PITRM1: variants seen among roughly 807,000 people sequenced by gnomAD.
PITRM1 encodes presequence protease, mitochondrial.
PITRM1 carries 100 observed loss-of-function variants against 129.9 expected under a neutral mutation model. That is an observed-to-expected ratio of 0.77 (90% confidence interval 0.65 to 0.91). The LOEUF (loss-of-function observed/expected upper bound fraction) is 0.91. Ranked by LOEUF, PITRM1 falls within the 40% of genes least tolerant of loss-of-function variation. The pLI is 0.00. For missense variants in PITRM1, 1,471 were observed against 1,318.3 expected, an observed-to-expected ratio of 1.12 and a Z score of -1.79; for synonymous variants, 591 against 508.8, an observed-to-expected ratio of 1.16 and a Z score of -2.17.
Position 3,155,646 on chromosome 10 carries a change from G to C in PITRM1, c.1566C>G (p.Leu522=), listed in dbSNP as rs780881766. ...EKQAQVEATK[L]KQKVEALSPG... ...GGGACAGAGCCTCGACCTTCTGCTT[G>C]AGCTTCGTGGCTTCCACCTGTGCCT... is the stretch of plus-strand genomic sequence containing the variant. Residue 522 remains leucine, a synonymous_variant, in exon 14 of 27, where the codon CTC becomes CTG. Coordinates refer to ENST00000224949, the MANE Select transcript of PITRM1 (RefSeq NM_014889.4). 3 of 1,613,914 alleles carry C rather than the reference G, an allele frequency of 1.9e-6. No individual in the cohort carries two copies. Among genetic ancestry groups the C allele is most frequent in the Non-Finnish European group, 2.5e-6 (3 of 1,179,870 alleles).
intron 19 of PITRM1, 32 bp downstream of exon 19, chr10:3,147,540 G>T (rs377486888): frequency 4.4e-6 from 7 of 1,604,764 alleles, no homozygotes; most frequent in Non-Finnish European, 6.0e-6. Context: ...TGGCTAAACC[G>T]GAGTAATAGA....
chr10:3,147,436 A>T, intron 19 of PITRM1, 136 bp downstream of exon 19: 1 of 1,135,876 alleles, frequency 8.8e-7, no homozygotes, highest in Non-Finnish European at 1.3e-6. Context: ...AAACCAACCA[A>T]CCAATTCTTC....
At chr10:3,155,854 T>C in intron 13 of PITRM1, 125 bp from the exon 14 acceptor site, 2 of 1,095,766 alleles carry the variant, frequency 1.8e-6, no homozygotes, top group Non-Finnish European at 2.6e-6. Context: ...TTAAAAATAG[T>C]AATAATAGAA....
intron 1 of PITRM1, 62 bp from the exon 2 acceptor site, chr10:3,170,268 A>G: frequency 8.3e-7 from 1 of 1,208,742 alleles, no homozygotes; most frequent in South Asian, 1.3e-5. Flanking sequence ...AACATTATTC[A>G]GCCACATAGT....
At position 3,155,648 on chromosome 10, in the gene PITRM1, G is replaced by C. The variant is rs1268936702; in HGVS notation, c.1564C>G (p.Leu522Val). The C allele has an allele frequency of 1.9e-6, 3 of 1,613,894 alleles. 1 individual carries two copies. In the South Asian group the frequency reaches 3.3e-5, roughly 18 times the overall value. ...GACAGAGCCTCGACCTTCTGCTTGA[G>C]CTTCGTGGCTTCCACCTGTGCCTGC... ...EKQAQVEATK[L>V]KQKVEALSPG... Residue 522 changes from leucine (L) to valine (V), a missense_variant, in exon 14 of 27, where the codon CTC becomes GTC. By Grantham distance (32) the Leu-to-Val change is conservative. Transcript: ENST00000224949.
At chr10:3,160,048 T>G in intron 8 of PITRM1, 112 bp from the exon 9 acceptor site, 1 of 1,243,792 alleles carries the variant, frequency 8.0e-7, no homozygotes, top group Non-Finnish European at 1.1e-6. Context: ...TAAGTTAACT[T>G]TCCTTTCAAA....
At chr10:3,145,221 A>C (rs1034063451) in intron 21 of PITRM1, 8 of 207,524 alleles carry the variant, frequency 3.9e-5, no homozygotes, top group African/African-American at 1.4e-4. Flanking sequence ...TATCACCGAC[A>C]TCACTGTTCC....
At chr10:3,164,338 A>G (rs1842694416) in intron 6 of PITRM1, 1 of 153,120 alleles carries the variant, frequency 6.5e-6, no homozygotes, top group Non-Finnish European at 1.5e-5. Context: ...AGAGCAGGCC[A>G]CCCATGAGCC....
intron 23 of PITRM1, among the ~76,000 whole-genome samples, chr10:3,141,239 A>C (rs529149905): frequency 4.6e-5 from 7 of 152,238 alleles, no homozygotes; most frequent in Non-Finnish European, 1.0e-4. Flanking sequence ...CAATTAACCA[A>C]AACTAAAAAG....
Position 3,172,670 on chromosome 10 carries a change from C to G in PITRM1, c.56+47G>C, listed in dbSNP as rs751975042. On this transcript the variant is annotated intron_variant, in intron 1 of 26. Coordinates refer to ENST00000224949, the MANE Select transcript of PITRM1 (RefSeq NM_014889.4). The stretch of plus-strand genomic sequence containing the variant: ...GCCTCCGGCCTGCCCTGGACCCTCC[C>G]CTCCCGGGTACCAGCGCGCCGAGCG... 3.3e-6 allele frequency: 5 copies of G among 1,513,014 alleles called. No individual in the cohort carries two copies. In the South Asian group the frequency reaches 6.2e-5, roughly 19 times the overall value. The allele number at this position is 1,513,014 out of a possible 1,614,324, so 93.7% of individuals were successfully genotyped here. A position where few individuals can be genotyped will look rare whatever the true frequency, so the allele number is the denominator to read the frequency against.
chr10:3,138,622 G>T lies in PITRM1; in HGVS notation c.2917+282C>A, dbSNP rs1013761409. The T allele has an allele frequency of 1.2e-5, 7 of 607,950 alleles. No individual in the cohort carries two copies. The African/African-American group carries it at 1.3e-4, about 11-fold the overall frequency. The allele number at this position is 607,950 out of a possible 1,614,324, so 37.7% of individuals were successfully genotyped here. A position where few individuals can be genotyped will look rare whatever the true frequency, so the allele number is the denominator to read the frequency against. On this transcript the variant is annotated intron_variant, in intron 25 of 26. Coordinates refer to ENST00000224949, the MANE Select transcript of PITRM1 (RefSeq NM_014889.4). ...CGGCTCCAGAGAGTAACGTGGCCAT[G>T]CCCGGGCCGTGCCCACGTCCTCCTT...
intron 7 of PITRM1, among the ~76,000 whole-genome samples, chr10:3,161,537 G>T (rs1842439469): frequency 6.6e-6 from 1 of 152,134 alleles, no homozygotes; most frequent in African/African-American, 2.4e-5. Context: ...AGAGAATCCA[G>T]GAGCAATCAC....
intron 7 of PITRM1, among the ~76,000 whole-genome samples, chr10:3,160,904 G>T (rs1364927229): frequency 1.3e-5 from 2 of 152,146 alleles, no homozygotes; most frequent in Non-Finnish European, 2.9e-5. Context: ...GGGATTACAG[G>T]TGCCCACCAC....
Position 3,147,016 on chromosome 10 carries a change from C to T in PITRM1, c.2336+134G>A, listed in dbSNP as rs538022897. On this transcript the variant is annotated intron_variant, in intron 20 of 26. Transcript: ENST00000224949. ...AAAATATTTTCTTAGTTTGTTAGAA[C>T]ACTTGACATTTACAATAAATTCTAT... The T allele has an allele frequency of 5.7e-6, 3 of 522,362 alleles. No individual in the cohort carries two copies. The Admixed American group carries it at 1.1e-4, about 18-fold the overall frequency. 32.4% of individuals were successfully genotyped at this position (522,362 alleles called of 1,614,324 possible). A position where few individuals can be genotyped will look rare whatever the true frequency, so the allele number is the denominator to read the frequency against.
At position 3,166,247 on chromosome 10, in the gene PITRM1, A is replaced by C; in HGVS notation, c.400T>G (p.Phe134Val). The change falls in exon 4 of 27, where the codon TTC becomes GTC. Residue 134 changes from phenylalanine (F) to valine (V), a missense_variant. Coordinates refer to ENST00000224949, the MANE Select transcript of PITRM1 (RefSeq NM_014889.4). ...FKMLNRSLST[F>V]MNAFTASDYT... ...GTCTTACCTGTGAAGGCGTTCATGA[A>C]CGTGGAGAGGGACCGGTTCAACATT... 6.2e-7 allele frequency: 1 copy of C among 1,612,120 alleles called. No homozygotes were observed. Among genetic ancestry groups the C allele is most frequent in the Non-Finnish European group, 8.5e-7 (1 of 1,179,218 alleles).
At chr10:3,138,205 C>T in intron 26 of PITRM1, 30 bp downstream of exon 26, 1 of 1,595,150 alleles carries the variant, frequency 6.3e-7, no homozygotes, top group Non-Finnish European at 8.6e-7. Flanking sequence ...CTTCCAGTCC[C>T]AGACGCTGTC....
intron 7 of PITRM1, chr10:3,163,273 A>T (rs1370536305): frequency 6.6e-6 from 1 of 152,524 alleles, no homozygotes; most frequent in Non-Finnish European, 1.5e-5. Context: ...ATGACCTTGT[A>T]TTAGTGACAT....
intron 14 of PITRM1, among the ~76,000 whole-genome samples, chr10:3,153,683 A>T (rs1841721027): frequency 6.6e-6 from 1 of 152,184 alleles, no homozygotes; most frequent in African/African-American, 2.4e-5. Context: ...TCAGATAGCA[A>T]GAGTAAGAGC....
chr10:3,138,273 A>G lies in PITRM1; in HGVS notation c.2982T>C (p.Phe994=), dbSNP rs1298573363. 1.2e-6 allele frequency: 2 copies of G among 1,613,832 alleles called. No individual in the cohort carries two copies. Among genetic ancestry groups the G allele is most frequent in the South Asian group, 1.1e-5 (1 of 91,072 alleles). The change falls in exon 26 of 27, where the codon TTT becomes TTC. Residue 994 remains phenylalanine, a synonymous_variant. Coordinates refer to ENST00000224949, the MANE Select transcript of PITRM1 (RefSeq NM_014889.4). The stretch of plus-strand genomic sequence containing the variant: ...CCAGGAGCTTGTCGTGGCTGACAGC[A>G]AAGAGCTGCTCTCTGTGGGCCTGCT... The part of the protein sequence containing the change: ...EMKQAHREQL[F]AVSHDKLLAV...
Sources: allele counts gnomAD v4.1 joint callset (sites outside exome capture counted in the v4.1 genomes callset), GRCh38; gene constraint gnomAD v4.1.1; transcripts MANE v1.5; gene names NCBI Gene and HGNC (gene_info 2026-07-23, HGNC 2026-07-21).